Variants in TNIK observed in about 807,000 individuals in gnomAD.
TNIK encodes the protein TRAF2 and NCK-interacting protein kinase.
Under a neutral mutation model 191.3 loss-of-function variants are expected in TNIK, and 49 were observed. The observed-to-expected ratio is 0.26, with a 90% CI of 0.20 to 0.32. The LOEUF (loss-of-function observed/expected upper bound fraction) is 0.32, where lower values mean the gene tolerates loss of function less well. Ranked by LOEUF, TNIK falls within the 10% of genes least tolerant of loss-of-function variation. The pLI, the probability that TNIK is intolerant of heterozygous loss-of-function variation, is 1.00. For missense variants in TNIK, 1,155 were observed against 1,702.3 expected (o/e 0.68, Z 5.66); for synonymous variants, 594 against 600.9 (o/e 0.99, Z 0.17).
At chr3:171,094,133 A>G (rs560845492) in intron 22 of TNIK, among the ~76,000 whole-genome samples, 165 bp from the exon 23 acceptor site, 1 of 151,922 alleles carries the variant, frequency 6.6e-6, no homozygotes, top group South Asian at 2.1e-4. Flanking sequence ...AGTACATCTC[A>G]TATTAATTTT....
intron 4 of TNIK, among the ~76,000 whole-genome samples, chr3:171,204,962 C>T (rs1168960970): frequency 6.6e-6 from 1 of 152,152 alleles, no homozygotes; most frequent in Non-Finnish European, 1.5e-5. Flanking sequence ...TTTCCTCCAT[C>T]TGCAGAGTAG....
chr3:171,268,158 T>C (rs1043475920), intron 2 of TNIK, among the ~76,000 whole-genome samples: 1 of 152,170 alleles, frequency 6.6e-6, no homozygotes, highest in Non-Finnish European at 1.5e-5. Context: ...ATACAGTCTC[T>C]CATTGACCAA....
At chr3:171,131,115 G>T (rs1373169061) in intron 15 of TNIK, among the ~76,000 whole-genome samples, 3 of 151,818 alleles carry the variant, frequency 2.0e-5, no homozygotes, top group African/African-American at 7.3e-5. Flanking sequence ...GAGGCGGGCG[G>T]ATCACGAGGT....
chr3:171,129,211 G>A (rs1440209032), intron 15 of TNIK, among the ~76,000 whole-genome samples: 2 of 152,168 alleles, frequency 1.3e-5, no homozygotes. Flanking sequence ...TGGGGTCAGT[G>A]AGGAAGACAG....
intron 1 of TNIK, among the ~76,000 whole-genome samples, chr3:171,423,042 A>T (rs187471872): frequency 6.6e-6 from 1 of 152,344 alleles, no homozygotes; most frequent in Admixed American, 6.5e-5. Context: ...TCAATACGTG[A>T]CATTGTGTCA....
At chr3:171,118,203 A>G (rs1468326301) in intron 18 of TNIK, among the ~76,000 whole-genome samples, 1 of 152,196 alleles carries the variant, frequency 6.6e-6, no homozygotes, top group Non-Finnish European at 1.5e-5. Flanking sequence ...TTCAAAGAGA[A>G]TAAAATACCT....
chr3:171,193,488 A>G (rs1444149254), intron 5 of TNIK, among the ~76,000 whole-genome samples: 1 of 152,162 alleles, frequency 6.6e-6, no homozygotes, highest in Non-Finnish European at 1.5e-5. Context: ...TTTCTCAGTG[A>G]TATTTTGTAG....
At chr3:171,161,398 C>G in intron 10 of TNIK, 62 bp from the exon 11 acceptor site, 1 of 1,476,308 alleles carries the variant, frequency 6.8e-7, no homozygotes, top group Non-Finnish European at 9.4e-7. Flanking sequence ...AAAGCCCAAC[C>G]CCGTCTCTTA....
intron 28 of TNIK, 51 bp downstream of exon 28, chr3:171,079,467 G>A: frequency 1.9e-6 from 3 of 1,586,076 alleles, no homozygotes; most frequent in Non-Finnish European, 2.6e-6. Flanking sequence ...AACTAAGTAA[G>A]TCTGATTGAG....
chr3:171,401,040 G>A (rs1720888655), intron 1 of TNIK, among the ~76,000 whole-genome samples: 1 of 152,148 alleles, frequency 6.6e-6, no homozygotes, highest in African/African-American at 2.4e-5. Context: ...GGAAGCTAGT[G>A]AAGAATACAG....
Position 171,101,648 on chromosome 3 carries a change from T to C in TNIK, c.2407-15A>G. 1 of 1,611,396 alleles carries C rather than the reference T, an allele frequency of 6.2e-7. No homozygotes were observed. The highest frequency in any genetic ancestry group is 8.5e-7 in the Non-Finnish European group (1 of 1,178,942). On this transcript the variant is annotated splice_polypyrimidine_tract_variant and intron_variant, in intron 21 of 32. Coordinates refer to ENST00000436636, the MANE Select transcript of TNIK (RefSeq NM_015028.4). ...GCCGTCAGATCCTATGAAAGAAAAA[T>C]TTGTTCAGCATATGAGTGGTAGATA...
Position 171,107,196 on chromosome 3 carries a change from T to G in TNIK, c.2393A>C (p.Lys798Thr). The change falls in exon 21 of 33, where the codon AAA becomes ACA. Residue 798 changes from lysine to threonine, a missense_variant. Transcript: ENST00000436636. ...GGTAATACTAACCTCATCTATAGCT[T>G]TTTTGTAGCTCTGAAATGAGAGGAA... ...TRPSRPASYK[K>T]AIDEDLTALA... 1 of 1,612,368 alleles carries G rather than the reference T, an allele frequency of 6.2e-7. No individual in the cohort carries two copies. The highest frequency in any genetic ancestry group is 8.5e-7 in the Non-Finnish European group (1 of 1,179,356).
At chr3:171,141,017 TCTG>T (rs1215834175) in intron 12 of TNIK, among the ~76,000 whole-genome samples, 3 of 152,202 alleles carry the variant, frequency 2.0e-5, no homozygotes, top group Middle Eastern at 3.2e-3. Flanking sequence ...TCCCACCTAG[TCTG>T]CTACCTTTTC....
At chr3:171,416,355 C>T (rs573285599) in intron 1 of TNIK, among the ~76,000 whole-genome samples, 8 of 151,978 alleles carry the variant, frequency 5.3e-5, no homozygotes, top group African/African-American at 1.4e-4. Context: ...ATCACATATC[C>T]GGAATGTAGG....
chr3:171,134,174 C>T (rs1420065620), intron 15 of TNIK, among the ~76,000 whole-genome samples: 3 of 152,152 alleles, frequency 2.0e-5, no homozygotes, highest in South Asian at 2.1e-4. Flanking sequence ...CAAATTCTGC[C>T]GATGTTCAAC....
intron 2 of TNIK, among the ~76,000 whole-genome samples, chr3:171,261,119 C>A (rs1319954072): frequency 6.6e-6 from 1 of 152,160 alleles, no homozygotes; most frequent in East Asian, 1.9e-4. Context: ...AGGTCCTCTG[C>A]CTGGTCTCCA....
chr3:171,104,672 A>T (rs1449150379), intron 21 of TNIK, among the ~76,000 whole-genome samples: 1 of 152,126 alleles, frequency 6.6e-6, no homozygotes, highest in Non-Finnish European at 1.5e-5. Context: ...AATAAATATT[A>T]GTTCAATTTT....
intron 14 of TNIK, 26 bp downstream of exon 14, chr3:171,139,444 C>A: frequency 6.2e-7 from 1 of 1,606,524 alleles, no homozygotes; most frequent in South Asian, 1.1e-5. Context: ...CAGAGCAGGT[C>A]AGCTGGTTCT....
At chr3:171,142,334 G>A (rs1730951074) in intron 12 of TNIK, among the ~76,000 whole-genome samples, 3 of 152,204 alleles carry the variant, frequency 2.0e-5, no homozygotes, top group African/African-American at 4.8e-5. Flanking sequence ...ATAGGGCATC[G>A]ATGATTTCAG....
Sources: gnomAD v4.1 joint callset for allele counts (sites outside exome capture counted in the v4.1 genomes callset) on GRCh38, gnomAD v4.1.1 for gene constraint, MANE v1.5 for transcripts, NCBI Gene and HGNC (gene_info 2026-07-23, HGNC 2026-07-21) for gene names.